Variants in MEGF11 observed in about 807,000 individuals in gnomAD.
MEGF11 encodes the protein multiple epidermal growth factor-like domains protein 11.
In MEGF11, 126 loss-of-function variants were observed where a neutral mutation model predicts 146.6. The ratio of observed to expected loss-of-function variants is 0.86; its 90% CI spans 0.74 to 1.00. MEGF11 has a LOEUF of 1.00. MEGF11 is among the 50% of genes least tolerant of loss of function. MEGF11 has a pLI of 0.00. For missense variants in MEGF11, 1,509 were observed against 1,521.2 expected, an observed-to-expected ratio of 0.99 and a Z score of 0.13; for synonymous variants, 532 against 583.4, an observed-to-expected ratio of 0.91 and a Z score of 1.27.
At chr15:65,904,022 T>C (rs1284640716) in intron 24 of MEGF11, among the ~76,000 whole-genome samples, 5 of 152,248 alleles carry the variant, frequency 3.3e-5, no homozygotes, top group Admixed American at 3.3e-4. Context: ...TATATGATTC[T>C]ACACAATAGT....
intron 5 of MEGF11, among the ~76,000 whole-genome samples, chr15:66,089,187 A>C (rs2086227173): frequency 6.6e-6 from 1 of 152,202 alleles, no homozygotes; most frequent in South Asian, 2.1e-4. Flanking sequence ...ATTCAAGATA[A>C]GAACACGCTG....
chr15:65,982,124 G>A lies in MEGF11; in HGVS notation c.641+118C>T. Reference sequence around the variant, plus strand: ...AGGGCTGGGCGTGCAGCTGCGGTGAGGGCAGCCACTCCAGGCCCCGCCCCA... The same window carrying A: ...AGGGCTGGGCGTGCAGCTGCGGTGAAGGCAGCCACTCCAGGCCCCGCCCCA... On this transcript the variant is annotated intron_variant, in intron 6 of 25. Transcript: ENST00000395614. The surrounding 1 kb of genome is among the most constrained non-coding windows in gnomAD (Gnocchi z 5.6). The A allele has an allele frequency of 7.5e-7, 1 of 1,335,010 alleles. No individual in the cohort carries two copies. Among genetic ancestry groups the A allele is most frequent in the Non-Finnish European group, 9.8e-7 (1 of 1,016,694 alleles). 82.7% of individuals were successfully genotyped at this position (1,335,010 alleles called of 1,614,324 possible). A position where few individuals can be genotyped will look rare whatever the true frequency, so the allele number is the denominator to read the frequency against.
At chr15:66,073,147 C>A (rs949835930) in intron 5 of MEGF11, among the ~76,000 whole-genome samples, 4 of 152,216 alleles carry the variant, frequency 2.6e-5, no homozygotes, top group Non-Finnish European at 5.9e-5. Context: ...AGTGCACCCC[C>A]ACCTCCGCCT....
intron 5 of MEGF11, among the ~76,000 whole-genome samples, chr15:65,989,811 A>C (rs2081975492): frequency 6.6e-6 from 1 of 152,188 alleles, no homozygotes; most frequent in Non-Finnish European, 1.5e-5. Context: ...TGCCTGGAGT[A>C]GGTCACCCTC....
intron 1 of MEGF11, among the ~76,000 whole-genome samples, chr15:66,210,675 C>A (rs1230438557): frequency 6.6e-6 from 1 of 152,216 alleles, no homozygotes; most frequent in Non-Finnish European, 1.5e-5. Flanking sequence ...GGGAGAGGGA[C>A]TTTCAAGATC....
chr15:66,068,928 C>G (rs928768800), intron 5 of MEGF11, among the ~76,000 whole-genome samples: 3 of 152,220 alleles, frequency 2.0e-5, no homozygotes, highest in African/African-American at 7.2e-5. Context: ...CACAAATTCA[C>G]TCATCAAACA....
chr15:66,036,672 GA>G (rs1446776186), intron 5 of MEGF11, among the ~76,000 whole-genome samples: 1 of 152,142 alleles, frequency 6.6e-6, no homozygotes, highest in Non-Finnish European at 1.5e-5. Context: ...GCAAGCCCTG[GA>G]AAGTAGAGGA....
chr15:66,004,976 A>G (rs2082477541), intron 5 of MEGF11, among the ~76,000 whole-genome samples: 1 of 152,306 alleles, frequency 6.6e-6, no homozygotes, highest in South Asian at 2.1e-4. Flanking sequence ...AGCCCCAGCT[A>G]CTTGGGAGGC....
chr15:65,903,816 G>A (rs528322511), intron 24 of MEGF11, among the ~76,000 whole-genome samples: 203 of 152,296 alleles, frequency 1.3e-3, no homozygotes, highest in African/African-American at 4.6e-3. Flanking sequence ...GGTAAGTATT[G>A]TTATAAAGTT....
intron 5 of MEGF11, among the ~76,000 whole-genome samples, chr15:65,994,074 A>G (rs2141785100): frequency 6.6e-6 from 1 of 152,224 alleles, no homozygotes; most frequent in East Asian, 1.9e-4. Context: ...TGTGTTTTCG[A>G]CCTGGATCCT....
At chr15:66,219,827 A>G (rs929350146) in intron 1 of MEGF11, among the ~76,000 whole-genome samples, 3 of 152,202 alleles carry the variant, frequency 2.0e-5, no homozygotes, top group African/African-American at 7.2e-5. Context: ...CCTTATTTAT[A>G]ATAGCCCAAA....
At chr15:66,021,305 C>T (rs887579952) in intron 5 of MEGF11, among the ~76,000 whole-genome samples, 2 of 152,200 alleles carry the variant, frequency 1.3e-5, no homozygotes, top group African/African-American at 4.8e-5. Flanking sequence ...TCTCAGCCTC[C>T]GTTTCCCTGT....
intron 3 of MEGF11, among the ~76,000 whole-genome samples, chr15:66,120,646 A>T (rs925252395): frequency 7.9e-5 from 12 of 152,262 alleles, no homozygotes; most frequent in African/African-American, 1.9e-4. Flanking sequence ...GGAATGTCGT[A>T]AGCTAAGGTC....
intron 1 of MEGF11, among the ~76,000 whole-genome samples, chr15:66,201,333 T>C (rs935129411): frequency 7.9e-5 from 12 of 152,092 alleles, no homozygotes; most frequent in African/African-American, 2.9e-4. Context: ...AATGTGGGGC[T>C]GGAGAGGCTG....
chr15:65,989,817 C>T (rs891404084), intron 5 of MEGF11, among the ~76,000 whole-genome samples: 7 of 152,172 alleles, frequency 4.6e-5, no homozygotes, highest in African/African-American at 1.4e-4. Flanking sequence ...GAGTAGGTCA[C>T]CCTCCCCAAG....
In MEGF11 at chr15:65,948,081, T is replaced by G. The variant is rs149205098; in HGVS notation, c.1287+9466A>C. On this transcript the variant is annotated intron_variant, in intron 10 of 25. Coordinates refer to ENST00000395614, the MANE Select transcript of MEGF11 (RefSeq NM_001385028.1). ...TTGCTCTGTGAATTAATTGACAACATGACTTAACCCCCTGGTGACTCCCTT... is the reference window on the plus strand; with the variant it reads ...TTGCTCTGTGAATTAATTGACAACAGGACTTAACCCCCTGGTGACTCCCTT... Among the ~76,000 whole-genome samples the G allele has an allele frequency of 1.4e-4, 21 of 152,284 alleles. No individual in the cohort carries two copies. In the East Asian group the frequency reaches 3.5e-3, roughly 25 times the overall value.
intron 5 of MEGF11, among the ~76,000 whole-genome samples, chr15:66,092,195 G>A (rs2086349520): frequency 6.6e-6 from 1 of 152,214 alleles, no homozygotes; most frequent in African/African-American, 2.4e-5. Context: ...TCCGAAAGAG[G>A]TAGTGAGCTC....
chr15:65,907,001 A>G (rs1248698113), intron 23 of MEGF11, among the ~76,000 whole-genome samples: 1 of 152,156 alleles, frequency 6.6e-6, no homozygotes, highest in Non-Finnish European at 1.5e-5. Flanking sequence ...TGGCATTTCT[A>G]GGTTGGGACA....
intron 1 of MEGF11, among the ~76,000 whole-genome samples, chr15:66,249,056 G>A (rs917064703): frequency 1.3e-5 from 2 of 152,204 alleles, no homozygotes; most frequent in African/African-American, 4.8e-5. Flanking sequence ...GGCCAGCCAA[G>A]TTGAAACACA....
Sources: allele counts gnomAD v4.1 joint callset (sites outside exome capture counted in the v4.1 genomes callset), GRCh38; gene constraint gnomAD v4.1.1; non-coding constraint Gnocchi (gnomAD v3.1); transcripts MANE v1.5; gene names NCBI Gene and HGNC (gene_info 2026-07-23, HGNC 2026-07-21).